Variants in NFAT5 observed in about 807,000 individuals in gnomAD.
NFAT5 encodes the protein nuclear factor of activated T cells 5.
In NFAT5, 31 loss-of-function variants were observed where a neutral mutation model predicts 166.5. The ratio of observed to expected loss-of-function variants is 0.19; its 90% CI spans 0.14 to 0.25. The LOEUF (loss-of-function observed/expected upper bound fraction) is 0.25. Among genes scored for constraint, NFAT5 ranks in the 10% least tolerant of loss-of-function variants. The pLI, the probability that NFAT5 is intolerant of heterozygous loss-of-function variation, is 1.00. For missense variants in NFAT5, 1,449 were observed against 1,821.8 expected, an observed-to-expected ratio of 0.80 and a Z score of 3.72; for synonymous variants, 612 against 639.7, an observed-to-expected ratio of 0.96 and a Z score of 0.65.
At chr16:69,571,650 T>G (rs2016442716) in intron 2 of NFAT5, among the ~76,000 whole-genome samples, 1 of 152,122 alleles carries the variant, frequency 6.6e-6, no homozygotes, top group African/African-American at 2.4e-5. Flanking sequence ...AAGTAATTGG[T>G]GTGATATAAT....
intron 9 of NFAT5, among the ~76,000 whole-genome samples, chr16:69,675,597 C>T (rs2036800146): frequency 6.6e-6 from 1 of 152,088 alleles, no homozygotes; most frequent in African/African-American, 2.4e-5. Flanking sequence ...ACTTAGGAGG[C>T]ATTCTGTTAA....
intron 10 of NFAT5, among the ~76,000 whole-genome samples, chr16:69,682,173 T>C (rs1350627896): frequency 2.1e-5 from 3 of 141,134 alleles, no homozygotes; most frequent in Non-Finnish European, 3.1e-5. Flanking sequence ...TGCTTAGCCA[T>C]TAAAACATTT....
At chr16:69,662,978 G>A (rs561109326) in intron 7 of NFAT5, among the ~76,000 whole-genome samples, 2 of 152,208 alleles carry the variant, frequency 1.3e-5, no homozygotes, top group Admixed American at 1.3e-4. Flanking sequence ...TAAGTTTCTG[G>A]CTTGTATTTC....
At chr16:69,639,495 G>A (rs1351725343) in intron 3 of NFAT5, among the ~76,000 whole-genome samples, 1 of 152,022 alleles carries the variant, frequency 6.6e-6, no homozygotes, top group African/African-American at 2.4e-5. Context: ...TGATGAACTG[G>A]AGAAGAAAAA....
chr16:69,643,615 T>C (rs1262343804), intron 3 of NFAT5, among the ~76,000 whole-genome samples: 1 of 152,162 alleles, frequency 6.6e-6, no homozygotes, highest in African/African-American at 2.4e-5. Flanking sequence ...ATATATATTC[T>C]AAGTACTTTG....
intron 4 of NFAT5, chr16:69,649,125 CTATTACTTA>C: frequency 1.2e-6 from 1 of 863,860 alleles, no homozygotes; most frequent in Non-Finnish European, 1.4e-6. Flanking sequence ...ATTTGTAGAA[CTATTACTTA>C]TAAAATAAGG....
chr16:69,611,465 C>T (rs1186860703), intron 2 of NFAT5, among the ~76,000 whole-genome samples: 2 of 152,136 alleles, frequency 1.3e-5, no homozygotes, highest in Non-Finnish European at 2.9e-5. Context: ...TTCTCTTTAG[C>T]AGATGTCTTA....
In NFAT5 at chr16:69,566,989, A is replaced by G. The variant is rs1184710075; in HGVS notation, c.73+615A>G. 6.6e-6 allele frequency among the ~76,000 whole-genome samples: 1 copy of G among 151,778 alleles called. No individual in the cohort carries two copies. Among genetic ancestry groups the G allele is most frequent in the African/African-American group, 2.4e-5 (1 of 41,278 alleles). ...CCTTTCCTCGTCATCTTCTTGCTGG[A>G]AAGGGCCCGATGGAAAGGGCCCGAA... On this transcript the variant is annotated intron_variant, in intron 1 of 14. Transcript: ENST00000349945. This position sits in a 1 kb window ranked among gnomAD's most constrained non-coding sequence, Gnocchi z 5.7.
intron 10 of NFAT5, among the ~76,000 whole-genome samples, chr16:69,678,837 C>G (rs1031248341): frequency 6.6e-6 from 1 of 152,166 alleles, no homozygotes; most frequent in African/African-American, 2.4e-5. Context: ...AAAGAAAGCC[C>G]TGGCATCAAA....
intron 7 of NFAT5, among the ~76,000 whole-genome samples, chr16:69,660,769 TAATA>T (rs1029833536): frequency 2.0e-5 from 3 of 151,644 alleles, no homozygotes; most frequent in South Asian, 2.1e-4. Context: ...TTGTTATAGG[TAATA>T]AATAGGAAAA....
Position 69,566,427 on chromosome 16 carries a change from G to A in NFAT5, c.73+53G>A. The A allele has an allele frequency of 1.4e-6, 2 of 1,410,572 alleles. No individual in the cohort carries two copies. Among genetic ancestry groups the A allele is most frequent in the South Asian group, 2.4e-5 (2 of 82,074 alleles). The allele number at this position is 1,410,572 out of a possible 1,614,324, so 87.4% of individuals were successfully genotyped here. A position where few individuals can be genotyped will look rare whatever the true frequency, so the allele number is the denominator to read the frequency against. On this transcript the variant is annotated intron_variant, in intron 1 of 14. Coordinates refer to ENST00000349945, the MANE Select transcript of NFAT5 (RefSeq NM_138713.4). This position sits in a 1 kb window ranked among gnomAD's most constrained non-coding sequence, Gnocchi z 5.7. ...TGGGGGCGGGGAGACAGGGAGACAG[G>A]GAGACAGGGCCAGGGGAGGCGAGGG...
At chr16:69,676,967 T>C in intron 9 of NFAT5, 1 of 413,046 alleles carries the variant, frequency 2.4e-6, no homozygotes, top group Non-Finnish European at 4.3e-6. Flanking sequence ...AGGAATGAGA[T>C]GAAGTTGACA....
In NFAT5 at chr16:69,669,985, G is replaced by C; in HGVS notation, c.1378G>C (p.Ala460Pro). The change falls in exon 8 of 15, where the codon GCA (alanine) becomes CCA (proline). Residue 460 changes from alanine to proline, a missense_variant. Physicochemically the swap from Ala to Pro is conservative, Grantham distance 27. Around this residue, in one of 7 missense-constraint regions of NFAT5, gnomAD observed 245 missense variants for 366.6 expected, o/e 0.67. Transcript: ENST00000349945. ...CTTATGTATCTCCACAGCTCAGCCA[G>C]CAGGAGTGCCAGAAATCTTAAAGAA... The part of the protein sequence containing the change: ...PSSPILCTQP[A>P]GVPEILKKSL... The C allele has an allele frequency of 6.2e-7, 1 of 1,601,504 alleles. No individual in the cohort carries two copies. Among genetic ancestry groups the C allele is most frequent in the African/African-American group, 1.3e-5 (1 of 74,082 alleles).
intron 2 of NFAT5, among the ~76,000 whole-genome samples, chr16:69,586,285 C>T (rs1255559656): frequency 2.0e-5 from 3 of 152,126 alleles, no homozygotes; most frequent in Non-Finnish European, 2.9e-5. Flanking sequence ...ACCTAAATAC[C>T]ACTGACTATG....
intron 3 of NFAT5, 77 bp downstream of exon 3, chr16:69,626,605 A>T: frequency 8.1e-7 from 1 of 1,238,510 alleles, no homozygotes; most frequent in Non-Finnish European, 1.1e-6. Context: ...TGCTGGCAAA[A>T]TTCATACTAA....
chr16:69,622,781 C>G (rs1197858252), intron 2 of NFAT5, among the ~76,000 whole-genome samples: 1 of 149,672 alleles, frequency 6.7e-6, no homozygotes, highest in Admixed American at 6.7e-5. Context: ...TTGGGTAGAT[C>G]TTTTTCTCTT....
intron 1 of NFAT5, 141 bp from the exon 2 acceptor site, chr16:69,568,346 ATGTGTGTG>A (rs1555515541): frequency 5.5e-5 from 10 of 180,614 alleles, no homozygotes; most frequent in East Asian, 9.6e-5. Flanking sequence ...ATATATATAT[ATGTGTGTG>A]TGTGTGTGTG....
At chr16:69,651,279 C>T (rs188091056) in intron 4 of NFAT5, among the ~76,000 whole-genome samples, 13 of 152,312 alleles carry the variant, frequency 8.5e-5, no homozygotes, top group Admixed American at 1.3e-4. Context: ...CACAGTATTG[C>T]GCCTTGAGAA....
intron 2 of NFAT5, among the ~76,000 whole-genome samples, chr16:69,587,067 G>A (rs914869710): frequency 1.3e-5 from 2 of 152,046 alleles, no homozygotes; most frequent in Non-Finnish European, 2.9e-5. Context: ...TTTGTTTTGT[G>A]TGAATATTAA....
Sources: gnomAD v4.1 joint callset for allele counts (sites outside exome capture counted in the v4.1 genomes callset) on GRCh38, gnomAD v4.1.1 for gene constraint, gnomAD v4.1.1 regional missense constraint, Gnocchi (gnomAD v3.1) non-coding constraint, MANE v1.5 for transcripts, NCBI Gene and HGNC (gene_info 2026-07-23, HGNC 2026-07-21) for gene names.